The following ATP6V1B2 variants were observed in gnomAD, a reference collection of about 807,000 sequenced individuals.
The protein encoded by ATP6V1B2 is ATPase H+ transporting V1 subunit B2.
A neutral mutation model predicts 66.7 loss-of-function variants in ATP6V1B2; 23 were observed. The observed-to-expected ratio is 0.34, with a 90% CI of 0.25 to 0.49. ATP6V1B2 has a LOEUF of 0.49. Among genes scored for constraint, ATP6V1B2 ranks in the 20% least tolerant of loss-of-function variants. The pLI is 0.99. For missense variants in ATP6V1B2, 478 were observed against 650.8 expected, an observed-to-expected ratio of 0.73 and a Z score of 2.89; for synonymous variants, 278 against 236.7, an observed-to-expected ratio of 1.17 and a Z score of -1.60.
chr8:20,217,147 TG>T (rs1244788408), intron 11 of ATP6V1B2, 72 bp from the exon 12 acceptor site: 20 of 1,242,260 alleles, frequency 1.6e-5, no homozygotes, highest in Non-Finnish European at 1.7e-5. Context: ...GAGTTTCAAA[TG>T]TTTTTTTATT....
chr8:20,214,001 A>G (rs1418327659), intron 9 of ATP6V1B2: 2 of 152,216 alleles, frequency 1.3e-5, no homozygotes, highest in Non-Finnish European at 1.5e-5. Context: ...TATTCTGCCA[A>G]ATTGCCCTGA....
intron 2 of ATP6V1B2, among the ~76,000 whole-genome samples, chr8:20,206,824 T>G (rs1475920568): frequency 6.6e-6 from 1 of 152,174 alleles, no homozygotes; most frequent in Non-Finnish European, 1.5e-5. Context: ...GGGATGGGGC[T>G]GAAATTTCCA....
At chr8:20,207,404 CA>C (rs1585248491) in intron 2 of ATP6V1B2, among the ~76,000 whole-genome samples, 1 of 151,986 alleles carries the variant, frequency 6.6e-6, no homozygotes, top group African/African-American at 2.4e-5. Context: ...AATTAGTTAC[CA>C]AAATTCCAGA....
chr8:20,200,711 T>C (rs1431361598), intron 1 of ATP6V1B2, among the ~76,000 whole-genome samples: 1 of 152,224 alleles, frequency 6.6e-6, no homozygotes, highest in Non-Finnish European at 1.5e-5. Context: ...CCATTTTTCT[T>C]GAGACCCTAG....
chr8:20,212,569 T>C (rs561552810), intron 8 of ATP6V1B2, among the ~76,000 whole-genome samples: 68 of 152,352 alleles, frequency 4.5e-4, no homozygotes, highest in Middle Eastern at 3.4e-3. Flanking sequence ...CACCCCAGTG[T>C]TGAGAAACCA....
chr8:20,215,791 A>G (rs928056922), intron 10 of ATP6V1B2: 1 of 152,184 alleles, frequency 6.6e-6, no homozygotes, highest in Non-Finnish European at 1.5e-5. Context: ...AATTTAACAG[A>G]TTTGGAAATG....
intron 10 of ATP6V1B2, 61 bp downstream of exon 10, chr8:20,215,029 C>A (rs758098273): frequency 1.3e-6 from 2 of 1,498,588 alleles, no homozygotes; most frequent in Non-Finnish European, 9.0e-7. Flanking sequence ...GAAGACCCAT[C>A]TACCTTTTCG....
intron 1 of ATP6V1B2, among the ~76,000 whole-genome samples, chr8:20,199,042 T>C (rs1357086002): frequency 6.6e-6 from 1 of 152,210 alleles, no homozygotes; most frequent in Non-Finnish European, 1.5e-5. Context: ...GTTATAAAGG[T>C]GCAGTAGTCA....
rs757685139 is a variant in ATP6V1B2 at position 20,216,429 on chromosome 8, C to A, written c.1095C>A (p.Ile365=). The change falls in exon 11 of 14, where the codon ATC becomes ATA. Residue 365 remains isoleucine, a synonymous_variant. Coordinates refer to ENST00000276390, the MANE Select transcript of ATP6V1B2 (RefSeq NM_001693.4). ...TMPNDDITHP[I]PDLTGYITEG... is the part of the protein sequence containing the mutation. ...CTCTGGTAGATATCACTCACCCCAT[C>A]CCAGACTTGACTGGCTACATTACAG... 1 of 1,612,938 alleles carries A rather than the reference C, an allele frequency of 6.2e-7. No individual in the cohort carries two copies. The highest frequency in any genetic ancestry group is 1.3e-5 in the African/African-American group (1 of 74,850).
chr8:20,201,603 T>C (rs2072688779), intron 1 of ATP6V1B2, among the ~76,000 whole-genome samples: 1 of 152,138 alleles, frequency 6.6e-6, no homozygotes, highest in Non-Finnish European at 1.5e-5. Flanking sequence ...AGAAATATTA[T>C]AAGGGTCATA....
At chr8:20,203,321 G>A (rs2072705620) in intron 1 of ATP6V1B2, among the ~76,000 whole-genome samples, 1 of 152,208 alleles carries the variant, frequency 6.6e-6, no homozygotes, top group Non-Finnish European at 1.5e-5. Flanking sequence ...CCCTGACAGT[G>A]CTGTCTGCTC....
rs953413303 is a variant in ATP6V1B2, at chr8:20,221,210, A to G, written c.*808A>G. On this transcript the variant is annotated 3_prime_UTR_variant, in exon 14 of 14. Transcript: ENST00000276390. ...AAAGAAAAACCTACAGCCTTTCTAC[A>G]TTCTGACATGCTAACAGTGGTTTAA... 2 of 152,220 alleles carry G rather than the reference A, an allele frequency of 1.3e-5. No individual in the cohort carries two copies. Among genetic ancestry groups the G allele is most frequent in the African/African-American group, 4.8e-5 (2 of 41,458 alleles). 9.4% of individuals were successfully genotyped at this position (152,220 alleles called of 1,614,324 possible).
At position 20,217,286 on chromosome 8, in the gene ATP6V1B2, A is replaced by T; in HGVS notation, c.1228A>T (p.Met410Leu). The change falls in exon 12 of 14, where the codon ATG becomes TTG. Residue 410 changes from methionine (M) to leucine (L), a missense_variant. Transcript: ENST00000276390. ...RLMKSAIGEG[M>L]TRKDHADVSN... ...AATGAAGTCTGCTATTGGAGAAGGG[A>T]TGACCAGGAAGGATCATGCCGATGT... is the stretch of plus-strand genomic sequence containing the variant. The T allele has an allele frequency of 6.2e-7, 1 of 1,613,226 alleles. No homozygotes were observed. Among genetic ancestry groups the T allele is most frequent in the Non-Finnish European group, 8.5e-7 (1 of 1,179,360 alleles).
intron 13 of ATP6V1B2, among the ~76,000 whole-genome samples, chr8:20,219,256 T>C (rs2072884959): frequency 6.6e-6 from 1 of 152,194 alleles, no homozygotes; most frequent in South Asian, 2.1e-4. Context: ...TGACCACTCT[T>C]GAGTCCAAAG....
chr8:20,204,176 C>G, intron 1 of ATP6V1B2: 1 of 393,014 alleles, frequency 2.5e-6, no homozygotes, highest in Non-Finnish European at 4.8e-6. Flanking sequence ...AACTCCACCC[C>G]CTCGCATAAG....
rs778147916 is a variant in ATP6V1B2, at chr8:20,211,180, A to G, written c.467A>G (p.Gln156Arg). The G allele has an allele frequency of 1.2e-6, 2 of 1,611,290 alleles. No homozygotes were observed. The highest frequency in any genetic ancestry group is 1.7e-6 in the Non-Finnish European group (2 of 1,179,180). ...TTCCTTTTTGGAAATACATTAGGTCAGCCAATCAACCCTCAATGTCGAATC... is the reference window on the plus strand; with the variant it reads ...TTCCTTTTTGGAAATACATTAGGTCGGCCAATCAACCCTCAATGTCGAATC... ...LAEDFLDIMG[Q>R]PINPQCRIYP... The change falls in exon 6 of 14, where the codon CAG becomes CGG. Residue 156 changes from glutamine to arginine, a missense_variant. This residue lies in a region of ATP6V1B2 where 326 missense variants were observed against 545.6 expected (regional missense o/e 0.60). Coordinates refer to ENST00000276390, the MANE Select transcript of ATP6V1B2 (RefSeq NM_001693.4).
intron 12 of ATP6V1B2, among the ~76,000 whole-genome samples, chr8:20,217,864 T>C (rs1174941159): frequency 6.6e-6 from 1 of 152,210 alleles, no homozygotes; most frequent in Non-Finnish European, 1.5e-5. Flanking sequence ...GGTTTAACTA[T>C]GAGTTCTGAT....
chr8:20,220,165 C>A, intron 13 of ATP6V1B2, 98 bp from the exon 14 acceptor site: 1 of 1,346,642 alleles, frequency 7.4e-7, no homozygotes. Flanking sequence ...TTTTCAATAT[C>A]TATTTAATAC....
intron 1 of ATP6V1B2, among the ~76,000 whole-genome samples, chr8:20,203,344 T>C (rs572226326): frequency 2.0e-5 from 3 of 152,340 alleles, no homozygotes; most frequent in African/African-American, 7.2e-5. Flanking sequence ...TCCCAGCATT[T>C]TTACCAGGGC....
Sources: gnomAD v4.1 joint callset for allele counts (sites outside exome capture counted in the v4.1 genomes callset) on GRCh38, gnomAD v4.1.1 for gene constraint, gnomAD v4.1.1 regional missense constraint, MANE v1.5 for transcripts, NCBI Gene and HGNC (gene_info 2026-07-23, HGNC 2026-07-21) for gene names.